The following SLC19A3 variants were observed in gnomAD, a reference collection of about 807,000 sequenced individuals.
SLC19A3 encodes the protein solute carrier family 19 member 3.
SLC19A3 carries 31 observed loss-of-function variants against 40.2 expected under a neutral mutation model. That is an observed-to-expected ratio of 0.77 (90% CI 0.58 to 1.04). The LOEUF is 1.04. SLC19A3 is among the 50% of genes least tolerant of loss of function. The probability of loss-of-function intolerance (pLI) is 0.00; values close to 1 mark genes in which losing one functional copy is unlikely to be tolerated. For missense variants in SLC19A3, 592 were observed against 596.7 expected (o/e 0.99, Z 0.08); for synonymous variants, 212 against 227.5 (o/e 0.93, Z 0.61).
intron 1 of SLC19A3, among the ~76,000 whole-genome samples, chr2:227,714,982 G>A (rs1696284345): frequency 6.9e-6 from 1 of 145,436 alleles, no homozygotes; most frequent in South Asian, 2.5e-4. Context: ...ACCAGGCCTG[G>A]CTAATTTTTG....
chr2:227,692,743 G>A (rs1329902537), intron 4 of SLC19A3, among the ~76,000 whole-genome samples: 2 of 152,102 alleles, frequency 1.3e-5, no homozygotes, highest in Non-Finnish European at 2.9e-5. Context: ...CATCCACATT[G>A]GAAAGGATCA....
intron 1 of SLC19A3, chr2:227,706,540 G>A (rs1695950168): frequency 3.9e-6 from 4 of 1,023,508 alleles, no homozygotes; most frequent in South Asian, 5.1e-5. Context: ...GGAGGCTGAG[G>A]CAGGTGGATC....
chr2:227,710,800 A>T (rs1160286508), intron 1 of SLC19A3, among the ~76,000 whole-genome samples: 1 of 152,194 alleles, frequency 6.6e-6, no homozygotes, highest in Non-Finnish European at 1.5e-5. Context: ...ATTTTATGTT[A>T]TATCAGTTAC....
intron 4 of SLC19A3, chr2:227,695,646 C>T: frequency 1.9e-6 from 1 of 514,172 alleles, no homozygotes; most frequent in Non-Finnish European, 3.5e-6. Context: ...GACAATGTAT[C>T]ACTGCTTTTG....
intron 1 of SLC19A3, 104 bp downstream of exon 1, chr2:227,717,839 A>T (rs1281464356): frequency 7.0e-5 from 63 of 896,878 alleles, no homozygotes; most frequent in Non-Finnish European, 8.1e-5. Flanking sequence ...CAGAGCCAGG[A>T]ACCCGCCCCC....
intron 2 of SLC19A3, chr2:227,701,669 G>C (rs889573998): frequency 1.3e-5 from 2 of 153,150 alleles, no homozygotes; most frequent in African/African-American, 4.9e-5. Context: ...GAAAGAAAAA[G>C]AAAGGCGTTG....
chr2:227,705,259 A>C (rs1695883306), intron 1 of SLC19A3, among the ~76,000 whole-genome samples: 1 of 152,064 alleles, frequency 6.6e-6, no homozygotes, highest in Non-Finnish European at 1.5e-5. Context: ...ACAAATATAT[A>C]ATCATAATGT....
At chr2:227,717,204 C>T (rs1199847751) in intron 1 of SLC19A3, among the ~76,000 whole-genome samples, 1 of 151,910 alleles carries the variant, frequency 6.6e-6, no homozygotes, top group South Asian at 2.1e-4. Context: ...GGTTTCATCC[C>T]AGGGCCAAGC....
chr2:227,704,879 C>CATTATTATT (rs71039630), intron 1 of SLC19A3, among the ~76,000 whole-genome samples: 62,896 of 151,146 alleles, frequency 0.42, 14,790 homozygotes, highest in Non-Finnish European at 0.54. Context: ...TTGCAAACAG[C>CATTATTATT]ATTATTATTA....
At chr2:227,689,614 C>A (rs1474455131) in intron 4 of SLC19A3, among the ~76,000 whole-genome samples, 1 of 152,164 alleles carries the variant, frequency 6.6e-6, no homozygotes, top group Non-Finnish European at 1.5e-5. Flanking sequence ...GAAGGGAGTA[C>A]TTCCATCTCT....
chr2:227,693,290 C>CA (rs962366388), intron 4 of SLC19A3, among the ~76,000 whole-genome samples: 2 of 151,578 alleles, frequency 1.3e-5, no homozygotes, highest in Non-Finnish European at 2.9e-5. Context: ...ACAACAACAA[C>CA]AAAAAACTGG....
chr2:227,703,578 G>A lies in SLC19A3; in HGVS notation c.-2-1258C>T, dbSNP rs934058088. ...CTGACAATGTGAAAATTTTGCCAAA[G>A]GCAAATTACAGTGACTGTTAACCTA... On this transcript the variant is annotated intron_variant, in intron 1 of 5. Transcript: ENST00000644224. The surrounding 1 kb of genome is among the most constrained non-coding windows in gnomAD (Gnocchi z 4.7). 2.0e-5 allele frequency among the ~76,000 whole-genome samples: 3 copies of A among 152,174 alleles called. No individual in the cohort carries two copies. The highest frequency in any genetic ancestry group is 4.4e-5 in the Non-Finnish European group (3 of 68,040).
intron 4 of SLC19A3, among the ~76,000 whole-genome samples, chr2:227,690,726 A>AAAAAAAAAAAAG (rs1378720272): frequency 6.6e-6 from 1 of 150,562 alleles, no homozygotes; most frequent in African/African-American, 2.5e-5. Flanking sequence ...AAAAAAAAAA[A>AAAAAAAAAAAAG]AAAAAAATTG....
intron 2 of SLC19A3, chr2:227,700,904 C>T (rs1456404421): frequency 1.1e-5 from 14 of 1,295,194 alleles, no homozygotes; most frequent in East Asian, 1.1e-4. Context: ...AATCACTGAA[C>T]GTACCCACCT....
chr2:227,688,681 C>G (rs181833565), intron 4 of SLC19A3, among the ~76,000 whole-genome samples: 43 of 152,234 alleles, frequency 2.8e-4, no homozygotes, highest in African/African-American at 1.0e-3. Flanking sequence ...GCCCAGACAG[C>G]AAAGACTACA....
chr2:227,701,918 T>G, intron 2 of SLC19A3: 1 of 436,780 alleles, frequency 2.3e-6, no homozygotes. Flanking sequence ...TCTCCTATCA[T>G]TAACACAAAT....
At chr2:227,716,794 T>G (rs189248043) in intron 1 of SLC19A3, among the ~76,000 whole-genome samples, 3 of 151,758 alleles carry the variant, frequency 2.0e-5, no homozygotes, top group African/African-American at 7.3e-5. Flanking sequence ...CTTAAAAGAG[T>G]GTTGTTGGTC....
chr2:227,712,273 G>A (rs1201426758), intron 1 of SLC19A3, among the ~76,000 whole-genome samples: 1 of 151,746 alleles, frequency 6.6e-6, no homozygotes, highest in South Asian at 2.1e-4. Context: ...ACACACAAAG[G>A]CAAAGAAATT....
At position 227,698,884 on chromosome 2, in the gene SLC19A3, A is replaced by T; in HGVS notation, c.831T>A (p.Arg277=). ...QDLKECYSSK[R]LFYWSLWWAF... ...CCCACCATAGAGACCAGTAGAAAAG[A>T]CGTTTTGAGGAGTAGCACTCCTTCA... Residue 277 remains arginine (R), a synonymous_variant, in exon 3 of 6, where the codon CGT becomes CGA. Transcript: ENST00000644224. 1 of 1,614,152 alleles carries T rather than the reference A, an allele frequency of 6.2e-7. No homozygotes were observed. Among genetic ancestry groups the T allele is most frequent in the East Asian group, 2.2e-5 (1 of 44,864 alleles).
Sources: allele counts gnomAD v4.1 joint callset (sites outside exome capture counted in the v4.1 genomes callset), GRCh38; gene constraint gnomAD v4.1.1; non-coding constraint Gnocchi (gnomAD v3.1); transcripts MANE v1.5; gene names NCBI Gene and HGNC (gene_info 2026-07-23, HGNC 2026-07-21).